The following SRD5A2 variants were observed in gnomAD, a reference collection of about 807,000 sequenced individuals.
SRD5A2 encodes the protein steroid 5 alpha-reductase 2.
A neutral mutation model predicts 27.4 loss-of-function variants in SRD5A2; 30 were observed. The ratio of observed to expected loss-of-function variants is 1.10; its 90% CI spans 0.82 to 1.49. The LOEUF is 1.49. Among genes scored for constraint, SRD5A2 ranks in the 40% most tolerant of loss-of-function variants. SRD5A2 has a pLI of 0.00. For synonymous variants in SRD5A2, 141 were observed against 133.6 expected, an observed-to-expected ratio of 1.06 and a Z score of -0.38; for missense variants, 348 against 323.4, an observed-to-expected ratio of 1.08 and a Z score of -0.58.
chr2:31,531,476 G>A lies in SRD5A2; in HGVS notation c.446-4C>T, dbSNP rs1267096240. 3 of 1,577,522 alleles carry A rather than the reference G, an allele frequency of 1.9e-6. No homozygotes were observed. Among genetic ancestry groups the A allele is most frequent in the East Asian group, 2.3e-5 (1 of 43,956 alleles). Reference sequence around the variant, plus strand: ...CCCAAAATAAATAAGAAGACACCTTGACAAAGAAGAGAGAAAGGAGAAATT... The same window carrying A: ...CCCAAAATAAATAAGAAGACACCTTAACAAAGAAGAGAGAAAGGAGAAATT... On this transcript the variant is annotated splice_polypyrimidine_tract_variant and splice_region_variant and intron_variant, in intron 2 of 4. Coordinates refer to ENST00000622030, the MANE Select transcript of SRD5A2 (RefSeq NM_000348.4).
chr2:31,556,448 T>C (rs1666496283), intron 1 of SRD5A2, among the ~76,000 whole-genome samples: 1 of 152,208 alleles, frequency 6.6e-6, no homozygotes, highest in African/African-American at 2.4e-5. Context: ...GCAAAAGATG[T>C]GACTACATTA....
the SRD5A2 span, among the ~76,000 whole-genome samples, chr2:31,639,233 G>T: frequency 4.6e-5 from 7 of 151,836 alleles, no homozygotes. Context: ...CTCCATCCCC[G>T]CCCAACTCCC....
chr2:31,621,223 C>T, the SRD5A2 span, among the ~76,000 whole-genome samples: 1 of 151,886 alleles, frequency 6.6e-6, no homozygotes. Context: ...CACAAAGGTT[C>T]CTTAGTTTGC....
chr2:31,588,594 A>C, the SRD5A2 span, among the ~76,000 whole-genome samples: 4 of 152,224 alleles, frequency 2.6e-5, no homozygotes, highest in Non-Finnish European at 5.9e-5. Context: ...AATTTCATCA[A>C]CACCAGACCT....
At chr2:31,565,880 CCTCTT>C (rs1027565351) in intron 1 of SRD5A2, among the ~76,000 whole-genome samples, 4 of 152,002 alleles carry the variant, frequency 2.6e-5, no homozygotes, top group African/African-American at 9.7e-5. Context: ...TTAGAACACT[CCTCTT>C]CTTGGCAGTA....
the SRD5A2 span, among the ~76,000 whole-genome samples, chr2:31,595,988 T>G: frequency 1.1e-3 from 164 of 152,240 alleles, no homozygotes; most frequent in Non-Finnish European, 2.0e-3. Flanking sequence ...GAAAAAGCAT[T>G]TGACAAAACC....
At chr2:31,545,965 G>GCAT (rs1666243970) in intron 1 of SRD5A2, among the ~76,000 whole-genome samples, 1 of 152,124 alleles carries the variant, frequency 6.6e-6, no homozygotes, top group Non-Finnish European at 1.5e-5. Context: ...ATTTACGATA[G>GCAT]CATCAAAACA....
At chr2:31,645,440 A>G in the SRD5A2 span, among the ~76,000 whole-genome samples, 729 of 152,310 alleles carry the variant, frequency 4.8e-3, 7 homozygotes, top group African/African-American at 0.017. Flanking sequence ...TGTACCCACA[A>G]AAACTAAAAA....
the SRD5A2 span, among the ~76,000 whole-genome samples, chr2:31,591,969 G>A: frequency 2.0e-5 from 3 of 148,310 alleles, no homozygotes; most frequent in Non-Finnish European, 4.5e-5. Flanking sequence ...GATAGCATTA[G>A]GAGATATACC....
the SRD5A2 span, among the ~76,000 whole-genome samples, chr2:31,600,852 G>A: frequency 6.6e-6 from 1 of 151,818 alleles, no homozygotes; most frequent in Non-Finnish European, 1.5e-5. Flanking sequence ...CTTTAAAATA[G>A]CATTCATTAT....
the SRD5A2 span, among the ~76,000 whole-genome samples, chr2:31,636,786 A>G: frequency 1.3e-5 from 2 of 152,076 alleles, no homozygotes; most frequent in African/African-American, 4.8e-5. Flanking sequence ...ACTGATTTGC[A>G]TATGTTGAAC....
the SRD5A2 span, among the ~76,000 whole-genome samples, chr2:31,605,924 A>G: frequency 1.3e-5 from 2 of 151,948 alleles, no homozygotes; most frequent in African/African-American, 4.8e-5. Flanking sequence ...ATGAATTAAT[A>G]AAGAAAATGT....
the SRD5A2 span, among the ~76,000 whole-genome samples, chr2:31,643,020 AGGAGG>A: frequency 6.6e-6 from 1 of 152,124 alleles, no homozygotes; most frequent in Non-Finnish European, 1.5e-5. Flanking sequence ...TTATCTGGGC[AGGAGG>A]GACACTGCAT....
At chr2:31,612,680 C>T in the SRD5A2 span, among the ~76,000 whole-genome samples, 43 of 152,158 alleles carry the variant, frequency 2.8e-4, no homozygotes, top group African/African-American at 7.2e-4. Context: ...AAAATTTATA[C>T]GGAGTTACAA....
chr2:31,526,302 C>T, intron 4 of SRD5A2, 40 bp from the exon 5 acceptor site: 1 of 1,285,112 alleles, frequency 7.8e-7, no homozygotes, highest in Non-Finnish European at 1.1e-6. Context: ...TATAATGGAG[C>T]AGTGGCTGAC....
At chr2:31,559,592 AAAAAG>A (rs1558368661) in intron 1 of SRD5A2, among the ~76,000 whole-genome samples, 1 of 152,156 alleles carries the variant, frequency 6.6e-6, no homozygotes, top group Non-Finnish European at 1.5e-5. Flanking sequence ...TTAAAAAAAG[AAAAAG>A]AAAAGATTTA....
At chr2:31,632,655 G>A in the SRD5A2 span, among the ~76,000 whole-genome samples, 1 of 152,110 alleles carries the variant, frequency 6.6e-6, no homozygotes, top group East Asian at 1.9e-4. Flanking sequence ...CTGTCCTCCA[G>A]ATCTGTCACT....
intron 1 of SRD5A2, among the ~76,000 whole-genome samples, chr2:31,572,385 G>A (rs972289419): frequency 5.9e-5 from 9 of 152,120 alleles, no homozygotes; most frequent in South Asian, 2.1e-4. Flanking sequence ...GAAATAATCT[G>A]TACACCAAAC....
the SRD5A2 span, among the ~76,000 whole-genome samples, chr2:31,590,513 T>C: frequency 0.067 from 10,241 of 152,156 alleles, 490 homozygotes; most frequent in Non-Finnish European, 0.1. Flanking sequence ...CCCAAGGTAA[T>C]TTATAGATTC....
Sources: gnomAD v4.1 joint callset for allele counts (sites outside exome capture counted in the v4.1 genomes callset) on GRCh38, gnomAD v4.1.1 for gene constraint, MANE v1.5 for transcripts, NCBI Gene and HGNC (gene_info 2026-07-23, HGNC 2026-07-21) for gene names.